The following NOS1AP variants were observed in gnomAD, a reference collection of about 807,000 sequenced individuals.
NOS1AP encodes the protein nitric oxide synthase 1 adaptor protein.
Under a neutral mutation model 56.2 loss-of-function variants are expected in NOS1AP, and 21 were observed. That is an observed-to-expected ratio of 0.37 (90% CI 0.26 to 0.54). The LOEUF (loss-of-function observed/expected upper bound fraction) is 0.54. Ranked by LOEUF, NOS1AP falls within the 20% of genes least tolerant of loss-of-function variation. The pLI, the probability that NOS1AP is intolerant of heterozygous loss-of-function variation, is 0.84. For missense variants in NOS1AP, 522 were observed against 657.8 expected (o/e 0.79, Z 2.26); for synonymous variants, 270 against 274.6 (o/e 0.98, Z 0.17).
intron 5 of NOS1AP, 29 bp from the exon 6 acceptor site, chr1:162,343,806 A>G: frequency 6.2e-7 from 1 of 1,613,802 alleles, no homozygotes; most frequent in Non-Finnish European, 8.5e-7. Flanking sequence ...ATCCTCACCC[A>G]TCCTGTTCTT....
intron 2 of NOS1AP, among the ~76,000 whole-genome samples, chr1:162,258,414 C>T (rs1654102725): frequency 6.6e-6 from 1 of 152,082 alleles, no homozygotes; most frequent in Non-Finnish European, 1.5e-5. Flanking sequence ...TAAGAACATT[C>T]CAAATGGGTG....
At chr1:162,130,945 T>C (rs1445332532) in intron 1 of NOS1AP, among the ~76,000 whole-genome samples, 1 of 152,216 alleles carries the variant, frequency 6.6e-6, no homozygotes, top group Non-Finnish European at 1.5e-5. Flanking sequence ...CTTCCATCTT[T>C]TTATGGATAA....
intron 3 of NOS1AP, among the ~76,000 whole-genome samples, chr1:162,295,937 C>G (rs1655442435): frequency 6.6e-6 from 1 of 151,798 alleles, no homozygotes; most frequent in South Asian, 2.1e-4. Flanking sequence ...GGTGGAGACC[C>G]TTTAGTTCTA....
chr1:162,088,030 G>A (rs954043510), intron 1 of NOS1AP, among the ~76,000 whole-genome samples: 5 of 152,062 alleles, frequency 3.3e-5, no homozygotes, highest in Admixed American at 2.6e-4. Flanking sequence ...GCAGCCAAAA[G>A]AGAAGTATTT....
intron 1 of NOS1AP, among the ~76,000 whole-genome samples, chr1:162,134,306 C>T (rs1436372048): frequency 6.6e-6 from 1 of 151,974 alleles, no homozygotes; most frequent in Admixed American, 6.6e-5. Flanking sequence ...GCGTGGCCAA[C>T]ATGGCAAACC....
At chr1:162,283,229 C>G (rs1007975943) in intron 2 of NOS1AP, among the ~76,000 whole-genome samples, 4 of 151,984 alleles carry the variant, frequency 2.6e-5, no homozygotes, top group African/African-American at 9.7e-5. Context: ...TAGGGAGCTA[C>G]ACATTTTTGT....
At chr1:162,214,477 A>C (rs933593734) in intron 2 of NOS1AP, among the ~76,000 whole-genome samples, 1 of 152,092 alleles carries the variant, frequency 6.6e-6, no homozygotes, top group African/African-American at 2.4e-5. Flanking sequence ...ATAGAGTGCC[A>C]TGGGGACTGG....
Position 162,070,240 on chromosome 1 carries a change from C to G in NOS1AP, c.63C>G (p.His21Gln). ...GGCACGACCTGCGGATCCCCTTGCA[C>G]AACGAGGACGCCTTCCAGCACGGCA... ...DDGHDLRIPL[H>Q]NEDAFQHGIC... Residue 21 changes from histidine to glutamine, a missense_variant, in exon 1 of 10, where the codon CAC becomes CAG. By Grantham distance (24) the His-to-Gln change is conservative. Transcript: ENST00000361897. 6.2e-7 allele frequency: 1 copy of G among 1,614,064 alleles called. No individual in the cohort carries two copies. Among genetic ancestry groups the G allele is most frequent in the Non-Finnish European group, 8.5e-7 (1 of 1,179,950 alleles).
chr1:162,328,945 G>A (rs181129374), intron 4 of NOS1AP, among the ~76,000 whole-genome samples: 7 of 152,220 alleles, frequency 4.6e-5, no homozygotes, highest in Admixed American at 3.3e-4. Context: ...TGTTGTTGTT[G>A]TTTTTCTATG....
intron 2 of NOS1AP, among the ~76,000 whole-genome samples, chr1:162,255,578 T>C (rs1654005045): frequency 1.4e-5 from 2 of 139,928 alleles, no homozygotes; most frequent in African/African-American, 5.2e-5. Context: ...CAATTTCCTC[T>C]CTCCAGACTT....
intron 2 of NOS1AP, among the ~76,000 whole-genome samples, chr1:162,257,851 G>C (rs1324029116): frequency 6.6e-6 from 1 of 152,082 alleles, no homozygotes; most frequent in Non-Finnish European, 1.5e-5. Context: ...ACCTGGCTTA[G>C]CCTTTGTCTC....
In NOS1AP at chr1:162,369,437, T is replaced by G; in HGVS notation, c.*1970T>G. The G allele has an allele frequency of 6.9e-6, 1 of 144,384 alleles. No individual in the cohort carries two copies. The highest frequency in any genetic ancestry group is 1.5e-5 in the Non-Finnish European group (1 of 66,600). The allele number at this position is 144,384 out of a possible 1,614,324, so 8.9% of individuals were successfully genotyped here. A position where few individuals can be genotyped will look rare whatever the true frequency, so the allele number is the denominator to read the frequency against. On this transcript the variant is annotated 3_prime_UTR_variant, in exon 10 of 10. Transcript: ENST00000361897. ...CAAGACCACTTAGATTATTAAGATT[T>G]TGAACGTCCAGAGGAGTGAAAAGTC...
chr1:162,185,237 A>T (rs1443894195), intron 2 of NOS1AP, among the ~76,000 whole-genome samples: 3 of 152,200 alleles, frequency 2.0e-5, no homozygotes. Flanking sequence ...GCAGGGCCTT[A>T]ATTTAATCAC....
intron 2 of NOS1AP, among the ~76,000 whole-genome samples, chr1:162,178,553 G>A (rs1393059384): frequency 6.6e-6 from 1 of 151,862 alleles, no homozygotes; most frequent in African/African-American, 2.4e-5. Flanking sequence ...GGAGACTCAG[G>A]CACAGGAGGG....
At chr1:162,329,500 A>G (rs1656697571) in intron 4 of NOS1AP, among the ~76,000 whole-genome samples, 1 of 152,226 alleles carries the variant, frequency 6.6e-6, no homozygotes, top group Non-Finnish European at 1.5e-5. Flanking sequence ...AAAGTTGGGA[A>G]AATTGACTAA....
intron 3 of NOS1AP, among the ~76,000 whole-genome samples, chr1:162,291,726 A>G (rs1655288966): frequency 6.6e-6 from 1 of 152,242 alleles, no homozygotes; most frequent in Non-Finnish European, 1.5e-5. Flanking sequence ...CCAACAGATA[A>G]TGAATCTCAA....
chr1:162,308,878 T>C (rs1000349275), intron 4 of NOS1AP, among the ~76,000 whole-genome samples: 1 of 152,206 alleles, frequency 6.6e-6, no homozygotes, highest in Non-Finnish European at 1.5e-5. Flanking sequence ...TGGTAGAATC[T>C]ATCATTCTCA....
At chr1:162,184,262 G>C (rs1651355920) in intron 2 of NOS1AP, among the ~76,000 whole-genome samples, 1 of 152,086 alleles carries the variant, frequency 6.6e-6, no homozygotes, top group Non-Finnish European at 1.5e-5. Flanking sequence ...CACAGTTTAA[G>C]GTGCCCTCCA....
At chr1:162,137,255 G>A (rs965726336) in intron 1 of NOS1AP, among the ~76,000 whole-genome samples, 5 of 152,128 alleles carry the variant, frequency 3.3e-5, no homozygotes, top group African/African-American at 1.2e-4. Flanking sequence ...GTCAGTTTCA[G>A]CCTCTCAGCC....
Sources: gnomAD v4.1 joint callset for allele counts (sites outside exome capture counted in the v4.1 genomes callset) on GRCh38, gnomAD v4.1.1 for gene constraint, MANE v1.5 for transcripts, NCBI Gene and HGNC (gene_info 2026-07-23, HGNC 2026-07-21) for gene names.